KIF24: variants seen among roughly 807,000 people sequenced by gnomAD.
KIF24 encodes kinesin-like protein KIF24.
In KIF24, 81 loss-of-function variants were observed where a neutral mutation model predicts 118.9. The observed-to-expected ratio is 0.68, with a 90% CI of 0.57 to 0.82. KIF24 has a LOEUF of 0.82. Among genes scored for constraint, KIF24 ranks in the 40% least tolerant of loss-of-function variants. KIF24 has a pLI of 0.00. For synonymous variants in KIF24, 599 were observed against 610.0 expected (o/e 0.98, Z 0.27); for missense variants, 1,560 against 1,661.6 (o/e 0.94, Z 1.06).
chr9:34,327,530 T>C (rs1473167402), intron 1 of KIF24, among the ~76,000 whole-genome samples: 1 of 152,154 alleles, frequency 6.6e-6, no homozygotes, highest in Non-Finnish European at 1.5e-5. Context: ...AAATGTAATA[T>C]GCATATAAAG....
Position 34,257,519 on chromosome 9 carries a change from AC to A in KIF24, c.2087del (p.Arg696LeufsTer86), listed in dbSNP as rs1342865359. 4 of 1,614,066 alleles carry A rather than the reference AC, an allele frequency of 2.5e-6. No homozygotes were observed. Among genetic ancestry groups the A allele is most frequent in the Non-Finnish European group, 3.4e-6 (4 of 1,179,894 alleles). On this transcript the variant is annotated frameshift_variant, in exon 11 of 13. Transcript: ENST00000402558. LOFTEE classifies it high-confidence loss of function. ...TCTTGCACTTGGTGGACAGCTTACC[AC>A]GCACTAGGCCTTCTCCTGGGCCTGA... is the stretch of plus-strand genomic sequence containing the variant. ...RASGPGEGLV[R>X]GKLSTKCKKV...
At chr9:34,301,652 A>G (rs1244839414) in intron 3 of KIF24, among the ~76,000 whole-genome samples, 1 of 152,048 alleles carries the variant, frequency 6.6e-6, no homozygotes, top group Non-Finnish European at 1.5e-5. Context: ...CCGAGGCAAC[A>G]TGGAGAAACC....
intron 8 of KIF24, among the ~76,000 whole-genome samples, chr9:34,266,679 GAAA>G (rs1252037077): frequency 2.6e-5 from 2 of 77,312 alleles, no homozygotes. Context: ...CTCCATCTCA[GAAA>G]AAAAAAAAAA....
At chr9:34,258,156 C>A (rs1448824896) in intron 10 of KIF24, among the ~76,000 whole-genome samples, 175 bp from the exon 11 acceptor site, 1 of 151,972 alleles carries the variant, frequency 6.6e-6, no homozygotes, top group African/African-American at 2.4e-5. Context: ...ATGAGATATC[C>A]CTCTGTACCT....
At chr9:34,319,769 G>C (rs1837454940) in intron 1 of KIF24, 6 of 592,320 alleles carry the variant, frequency 1.0e-5, no homozygotes, top group Non-Finnish European at 1.6e-5. Context: ...ATGGGTGGGG[G>C]TGGACAAACA....
chr9:34,319,018 C>A (rs1837425876), intron 1 of KIF24: 2 of 1,226,278 alleles, frequency 1.6e-6, no homozygotes, highest in Non-Finnish European at 2.4e-6. Context: ...ACACCATGTT[C>A]TTCAAGCCAC....
At chr9:34,307,369 G>A (rs1836963672) in intron 2 of KIF24, among the ~76,000 whole-genome samples, 1 of 149,868 alleles carries the variant, frequency 6.7e-6, no homozygotes, top group Non-Finnish European at 1.5e-5. Context: ...TCAGCCTGGA[G>A]AATAATTTTT....
At chr9:34,263,841 T>C (rs1835186149) in intron 8 of KIF24, among the ~76,000 whole-genome samples, 1 of 149,518 alleles carries the variant, frequency 6.7e-6, no homozygotes, top group Non-Finnish European at 1.5e-5. Context: ...CCTCCTGGAG[T>C]GCTGGGATTA....
chr9:34,326,258 G>A (rs907555240), intron 1 of KIF24, among the ~76,000 whole-genome samples: 1 of 152,090 alleles, frequency 6.6e-6, no homozygotes, highest in African/African-American at 2.4e-5. Context: ...GGGCTGAGGT[G>A]GGAGGATTGC....
chr9:34,296,154 G>C (rs1836463928), intron 4 of KIF24, among the ~76,000 whole-genome samples: 1 of 147,600 alleles, frequency 6.8e-6, no homozygotes, highest in East Asian at 2.0e-4. Context: ...GGGAGGCAGA[G>C]CTTGCAGTGC....
chr9:34,269,708 C>T (rs1045508788), intron 7 of KIF24, among the ~76,000 whole-genome samples: 7 of 152,060 alleles, frequency 4.6e-5, no homozygotes, highest in South Asian at 4.1e-4. Flanking sequence ...CATGAGCCAC[C>T]GCGCCTGGCC....
At position 34,257,756 on chromosome 9, in the gene KIF24, GT is replaced by G. The variant is rs760637235; in HGVS notation, c.1850del (p.Asn617ThrfsTer32). ...CCTTAGGTGCAGAAGTAAAAGGAAT[GT>G]TGGGTGGGTGGCTGGTCAGAGGATG... ...KVHPLTSHPP[N>X]IPFTSAPKVS... On this transcript the variant is annotated frameshift_variant, in exon 11 of 13. Coordinates refer to ENST00000402558, the MANE Select transcript of KIF24 (RefSeq NM_194313.4). LOFTEE classifies it high-confidence loss of function. 6.2e-7 allele frequency: 1 copy of G among 1,613,924 alleles called. No homozygotes were observed. Among genetic ancestry groups the G allele is most frequent in the African/African-American group, 1.3e-5 (1 of 74,942 alleles).
At chr9:34,262,387 T>C (rs1835088288) in intron 9 of KIF24, among the ~76,000 whole-genome samples, 1 of 151,964 alleles carries the variant, frequency 6.6e-6, no homozygotes, top group Non-Finnish European at 1.5e-5. Flanking sequence ...TCCGAAACGC[T>C]TGGGAAGAAA....
chr9:34,325,116 T>C (rs746779623), intron 1 of KIF24, among the ~76,000 whole-genome samples: 25 of 152,036 alleles, frequency 1.6e-4, no homozygotes, highest in Non-Finnish European at 3.7e-4. Flanking sequence ...GGCAGAAAGA[T>C]CACTTGAGCC....
chr9:34,292,670 C>G lies in KIF24; in HGVS notation c.912-2281G>C, dbSNP rs374349974. Among the ~76,000 whole-genome samples the G allele has an allele frequency of 2.2e-4, 34 of 152,248 alleles. No homozygotes were observed. The East Asian group carries it at 2.5e-3, about 11-fold the overall frequency. On this transcript the variant is annotated intron_variant, in intron 4 of 12. Coordinates refer to ENST00000402558, the MANE Select transcript of KIF24 (RefSeq NM_194313.4). Reference sequence around the variant, plus strand: ...AAGGGAACCATAGAAATGTGAGAATCAAGACATGGGAGTTAATTAGATGTA... The same window carrying G: ...AAGGGAACCATAGAAATGTGAGAATGAAGACATGGGAGTTAATTAGATGTA...
At position 34,318,993 on chromosome 9, in the gene KIF24, G is replaced by A; in HGVS notation, c.-25-7622C>T. 1.6e-6 allele frequency: 2 copies of A among 1,244,840 alleles called. No individual in the cohort carries two copies. The highest frequency in any genetic ancestry group is 1.2e-6 in the Non-Finnish European group (1 of 848,078). 77.1% of individuals were successfully genotyped at this position (1,244,840 alleles called of 1,614,324 possible). The stretch of plus-strand genomic sequence containing the variant: ...ACCAAGGACATGGAGTGCATGGATG[G>A]CGCCCTGCTTGTCAACACCATGTTC... On this transcript the variant is annotated intron_variant, in intron 1 of 12. Coordinates refer to ENST00000402558, the MANE Select transcript of KIF24 (RefSeq NM_194313.4). The surrounding 1 kb of genome is among the most constrained non-coding windows in gnomAD (Gnocchi z 4.9).
At chr9:34,316,008 G>A (rs1837314662) in intron 1 of KIF24, among the ~76,000 whole-genome samples, 1 of 150,326 alleles carries the variant, frequency 6.7e-6, no homozygotes, top group African/African-American at 2.5e-5. Context: ...CAACCTGGGT[G>A]ACAGAGCAAG....
At chr9:34,291,551 C>T (rs1349813656) in intron 4 of KIF24, among the ~76,000 whole-genome samples, 3 of 152,184 alleles carry the variant, frequency 2.0e-5, no homozygotes, top group Non-Finnish European at 4.4e-5. Context: ...TATGTGGTTA[C>T]ATGTGTGCGT....
chr9:34,256,183 T>C lies in KIF24; in HGVS notation c.3424A>G (p.Lys1142Glu), dbSNP rs1834830690. The C allele has an allele frequency of 1.9e-6, 3 of 1,602,822 alleles. No homozygotes were observed. The highest frequency in any genetic ancestry group is 2.6e-6 in the Non-Finnish European group (3 of 1,172,926). ...PSPIRQHPADKLPSREADLGE... is the reference protein window; with the variant it reads ...PSPIRQHPADELPSREADLGE... Reference sequence around the variant, plus strand: ...AGGTCTGCCTCCCTGCTGGGCAGCTTGTCAGCTGGGTGCTGACGGATGGGT... The same window carrying C: ...AGGTCTGCCTCCCTGCTGGGCAGCTCGTCAGCTGGGTGCTGACGGATGGGT... Residue 1142 changes from lysine to glutamate, a missense_variant, in exon 11 of 13, where the codon AAG (lysine) becomes GAG (glutamate). Physicochemically the swap from Lys to Glu is moderately conservative, Grantham distance 56 (BLOSUM62 1). This residue lies in a region of KIF24 where 591 missense variants were observed against 655.6 expected (regional missense o/e 0.90). Transcript: ENST00000402558.
Sources: gnomAD v4.1 joint callset for allele counts (sites outside exome capture counted in the v4.1 genomes callset) on GRCh38, gnomAD v4.1.1 for gene constraint, gnomAD v4.1.1 regional missense constraint, Gnocchi (gnomAD v3.1) non-coding constraint, MANE v1.5 for transcripts, NCBI Gene and HGNC (gene_info 2026-07-23, HGNC 2026-07-21) for gene names.